ABCG8: variants seen among roughly 807,000 people sequenced by gnomAD.
ABCG8 encodes ATP-binding cassette sub-family G member 8.
In ABCG8, 81 loss-of-function variants were observed where a neutral mutation model predicts 71.3. The ratio of observed to expected loss-of-function variants is 1.14; its 90% CI spans 0.95 to 1.37. ABCG8 has a LOEUF of 1.37. Ranked by LOEUF, ABCG8 falls within the 40% of genes most tolerant of loss-of-function variation. The probability of loss-of-function intolerance (pLI) is 0.00; values close to 1 mark genes in which losing one functional copy is unlikely to be tolerated. For synonymous variants in ABCG8, 451 were observed against 354.7 expected (o/e 1.27, Z -3.05); for missense variants, 1,119 against 866.2 (o/e 1.29, Z -3.66).
At chr2:43,861,471 A>G (rs572582277) in intron 6 of ABCG8, among the ~76,000 whole-genome samples, 48 of 151,282 alleles carry the variant, frequency 3.2e-4, no homozygotes, top group African/African-American at 1.1e-3. Flanking sequence ...TCTGGATAGA[A>G]CTCTCACTAT....
chr2:43,869,301 C>T (rs1246929482), intron 6 of ABCG8, among the ~76,000 whole-genome samples: 1 of 151,962 alleles, frequency 6.6e-6, no homozygotes, highest in Non-Finnish European at 1.5e-5. Flanking sequence ...TATTCTCGCT[C>T]TCTGGAAAGA....
intron 1 of ABCG8, among the ~76,000 whole-genome samples, chr2:43,841,984 C>A (rs1317310364): frequency 6.6e-6 from 1 of 151,778 alleles, no homozygotes; most frequent in Non-Finnish European, 1.5e-5. Flanking sequence ...TGCATGTTAG[C>A]CCACATGAGT....
At chr2:43,839,575 T>A (rs929113435) in intron 1 of ABCG8, among the ~76,000 whole-genome samples, 1 of 151,850 alleles carries the variant, frequency 6.6e-6, no homozygotes, top group African/African-American at 2.4e-5. Flanking sequence ...TACAGGCACC[T>A]GCCACCACAC....
intron 11 of ABCG8, among the ~76,000 whole-genome samples, chr2:43,875,741 CATTGTTTGAG>C (rs1669940265): frequency 6.6e-6 from 1 of 152,210 alleles, no homozygotes; most frequent in African/African-American, 2.4e-5. Flanking sequence ...CCCTGGCCAC[CATTGTTTGAG>C]CCTGGGCCAC....
intron 1 of ABCG8, among the ~76,000 whole-genome samples, chr2:43,842,307 A>G (rs548310180): frequency 6.6e-6 from 1 of 152,164 alleles, no homozygotes; most frequent in African/African-American, 2.4e-5. Context: ...GCCACTGCGC[A>G]CAGCTGGCAA....
intron 10 of ABCG8, 70 bp downstream of exon 10, chr2:43,874,553 G>A (rs1572866852): frequency 3.7e-6 from 5 of 1,334,792 alleles, no homozygotes; most frequent in Middle Eastern, 1.8e-4. Flanking sequence ...AGAAAACGTT[G>A]CTACAAGGAA....
chr2:43,859,318 T>C (rs1190429068), intron 6 of ABCG8, among the ~76,000 whole-genome samples: 1 of 151,292 alleles, frequency 6.6e-6, no homozygotes, highest in African/African-American at 2.4e-5. Flanking sequence ...ACTATCTGGA[T>C]AGAATTCTCG....
chr2:43,873,757 C>T (rs1669859211), intron 8 of ABCG8, 30 bp from the exon 9 acceptor site: 1 of 1,611,508 alleles, frequency 6.2e-7, no homozygotes, highest in Non-Finnish European at 8.5e-7. Context: ...TATGCTGTTG[C>T]CTCAGCATCT....
chr2:43,866,729 CA>C (rs1286702629), intron 6 of ABCG8, among the ~76,000 whole-genome samples: 11 of 151,480 alleles, frequency 7.3e-5, no homozygotes, highest in African/African-American at 2.7e-4. Flanking sequence ...GAAATAGGAA[CA>C]CTTTTACACT....
At chr2:43,874,331 A>G in intron 9 of ABCG8, 76 bp from the exon 10 acceptor site, 12 of 1,220,114 alleles carry the variant, frequency 9.8e-6, no homozygotes, top group Non-Finnish European at 1.5e-5. Context: ...GAATTGTATT[A>G]AGAGAGTCTC....
intron 11 of ABCG8, 45 bp downstream of exon 11, chr2:43,875,458 T>C (rs200850163): frequency 7.5e-6 from 12 of 1,594,550 alleles, no homozygotes; most frequent in Middle Eastern, 1.7e-4. Context: ...TTAGGACTCA[T>C]GTGACTGGAT....
chr2:43,864,361 C>A (rs2104935545), intron 6 of ABCG8, among the ~76,000 whole-genome samples: 1 of 150,152 alleles, frequency 6.7e-6, no homozygotes, highest in African/African-American at 2.4e-5. Flanking sequence ...ACCCTCACTA[C>A]CTATCTGGAT....
intron 11 of ABCG8, among the ~76,000 whole-genome samples, chr2:43,875,892 C>T (rs561822724): frequency 7.9e-5 from 12 of 152,216 alleles, no homozygotes; most frequent in Admixed American, 2.6e-4. Flanking sequence ...TCAATCCCTG[C>T]GGCCTCCCCA....
rs76520676 is a variant in ABCG8, at chr2:43,844,963, G to A, written c.165+355G>A. On this transcript the variant is annotated intron_variant, in intron 2 of 12. Transcript: ENST00000272286. ...AGTGTTTCCATATACCCATTGTCCA[G>A]CTTCCCCTAATGTTAACATCTTGCA... is the stretch of plus-strand genomic sequence containing the variant. 6.3e-3 allele frequency among the ~76,000 whole-genome samples: 953 copies of A among 151,924 alleles called. 10 individuals carry two copies. The highest frequency in any genetic ancestry group is 0.021 in the African/African-American group (877 of 41,406).
chr2:43,855,108 A>G (rs962078728), intron 6 of ABCG8, among the ~76,000 whole-genome samples: 25 of 152,356 alleles, frequency 1.6e-4, no homozygotes, highest in African/African-American at 6.0e-4. Flanking sequence ...AATTCTCACC[A>G]TCTGGATAGA....
At chr2:43,846,933 G>A (rs1668759617) in intron 3 of ABCG8, 1 of 174,682 alleles carries the variant, frequency 5.7e-6, no homozygotes, top group Admixed American at 5.5e-5. Context: ...TTCAGAGGAA[G>A]GTGTTCAAAC....
chr2:43,875,721 G>T (rs1669939608), intron 11 of ABCG8, among the ~76,000 whole-genome samples: 1 of 152,210 alleles, frequency 6.6e-6, no homozygotes, highest in Non-Finnish European at 1.5e-5. Context: ...CTGCTTGGCT[G>T]TGTCTCCATC....
At chr2:43,850,962 G>C (rs774150825) in intron 3 of ABCG8, among the ~76,000 whole-genome samples, 4 of 151,766 alleles carry the variant, frequency 2.6e-5, no homozygotes, top group Non-Finnish European at 5.9e-5. Flanking sequence ...AAAGAAGAGA[G>C]ATGGGTGTAG....
intron 2 of ABCG8, among the ~76,000 whole-genome samples, chr2:43,845,484 A>G (rs967986294): frequency 6.6e-6 from 1 of 152,250 alleles, no homozygotes; most frequent in African/African-American, 2.4e-5. Flanking sequence ...AAGGTGATGG[A>G]TGTTAAGTGA....
Sources: gnomAD v4.1 joint callset for allele counts (sites outside exome capture counted in the v4.1 genomes callset) on GRCh38, gnomAD v4.1.1 for gene constraint, MANE v1.5 for transcripts, NCBI Gene and HGNC (gene_info 2026-07-23, HGNC 2026-07-21) for gene names.